The following FRMD4B variants were observed in gnomAD, a reference collection of about 807,000 sequenced individuals.
FRMD4B encodes FERM domain-containing protein 4B.
Under a neutral mutation model 141.5 loss-of-function variants are expected in FRMD4B, and 74 were observed. The observed-to-expected ratio is 0.52, with a 90% CI of 0.43 to 0.63. The LOEUF (loss-of-function observed/expected upper bound fraction) is 0.63, where lower values mean the gene tolerates loss of function less well. Among genes scored for constraint, FRMD4B ranks in the 30% least tolerant of loss-of-function variants. The pLI is 0.00. For synonymous variants in FRMD4B, 506 were observed against 467.9 expected (o/e 1.08, Z -1.05); for missense variants, 1,366 against 1,253.4 (o/e 1.09, Z -1.36).
chr3:69,415,457 C>A (rs1380667424), intron 2 of FRMD4B, among the ~76,000 whole-genome samples: 1 of 152,068 alleles, frequency 6.6e-6, no homozygotes, highest in Non-Finnish European at 1.5e-5. Flanking sequence ...TTGTCCTACG[C>A]CCCCTCTTCC....
At chr3:69,497,201 G>A (rs1440055542) in intron 1 of FRMD4B, among the ~76,000 whole-genome samples, 3 of 152,202 alleles carry the variant, frequency 2.0e-5, no homozygotes, top group African/African-American at 4.8e-5. Flanking sequence ...ATTTGGAGCA[G>A]AGCCTCAGCT....
intron 3 of FRMD4B, chr3:69,310,609 G>C: frequency 6.7e-6 from 2 of 299,618 alleles, no homozygotes; most frequent in Non-Finnish European, 1.3e-5. Context: ...GAGAGAGAGA[G>C]AGAAAAGAGC....
rs942566137 is a variant in FRMD4B at position 69,535,769 on chromosome 3, C to A, written c.-129+6437G>T. On this transcript the variant is annotated intron_variant, in intron 1 of 5. Transcript: ENST00000459638. ...GTCTTCCTAGACAGGTGTGCAGGCA[C>A]CACCTTGGACCCACTGCCCTTAGCA... 1.3e-4 allele frequency: 60 copies of A among 469,200 alleles called. 3 individuals carry two copies. Among genetic ancestry groups the A allele is most frequent in the South Asian group, 9.3e-4 (60 of 64,602 alleles). 29.1% of individuals were successfully genotyped at this position (469,200 alleles called of 1,614,324 possible). A position where few individuals can be genotyped will look rare whatever the true frequency, so the allele number is the denominator to read the frequency against.
At chr3:69,261,375 A>G (rs1333395612) in intron 5 of FRMD4B, among the ~76,000 whole-genome samples, 1 of 152,228 alleles carries the variant, frequency 6.6e-6, no homozygotes, top group Non-Finnish European at 1.5e-5. Flanking sequence ...TTCTGGACAC[A>G]CTATTATCTG....
At chr3:69,483,801 T>C (rs1706169827) in intron 1 of FRMD4B, among the ~76,000 whole-genome samples, 1 of 152,202 alleles carries the variant, frequency 6.6e-6, no homozygotes, top group Non-Finnish European at 1.5e-5. Flanking sequence ...TAATTTCCAT[T>C]ACGATGACCT....
At chr3:69,333,508 A>G (rs993323961) in intron 1 of FRMD4B, among the ~76,000 whole-genome samples, 2 of 152,214 alleles carry the variant, frequency 1.3e-5, no homozygotes, top group African/African-American at 4.8e-5. Context: ...GTTCCATTAC[A>G]ATGTCTCTGT....
chr3:69,531,377 C>T lies in FRMD4B; in HGVS notation c.-129+10829G>A, dbSNP rs192958736. On this transcript the variant is annotated intron_variant, in intron 1 of 5. Coordinates refer to the FRMD4B transcript ENST00000459638. ...ACCCCAAGTCAAGAAAAGATGTAGC[C>T]ACATTTATATGTACCAAGCAAAAAA... 3.2e-3 allele frequency among the ~76,000 whole-genome samples: 486 copies of T among 150,462 alleles called. 5 individuals are homozygous for T. The highest frequency in any genetic ancestry group is 0.011 in the African/African-American group (458 of 40,766).
intron 1 of FRMD4B, among the ~76,000 whole-genome samples, chr3:69,475,398 T>C (rs1374292431): frequency 7.5e-6 from 1 of 134,074 alleles, no homozygotes; most frequent in Admixed American, 8.1e-5. Context: ...AACGTTCCCC[T>C]TCCGGTGTCC....
chr3:69,330,340 C>CTTTTTTTTTTTT lies in FRMD4B; in HGVS notation c.163-16835_163-16824dup, dbSNP rs34238889. Among the ~76,000 whole-genome samples, 4 of 42,928 alleles carry CTTTTTTTTTTTT rather than the reference C, an allele frequency of 9.3e-5. 1 individual carries two copies. The highest frequency in any genetic ancestry group is 4.3e-4 in the Admixed American group (1 of 2,326). 28.2% of individuals were successfully genotyped at this position (42,928 alleles called of 152,430 possible). The stretch of plus-strand genomic sequence containing the variant: ...CAACATTATATTTTGATTCTTTTGC[C>CTTTTTTTTTTTT]TTTTTTTTTTTTTTTTTTTTTTTTG... On this transcript the variant is annotated intron_variant, in intron 1 of 22. Transcript: ENST00000398540.
At chr3:69,178,434 T>G (rs564788885) in intron 21 of FRMD4B, among the ~76,000 whole-genome samples, 1 of 152,086 alleles carries the variant, frequency 6.6e-6, no homozygotes, top group East Asian at 1.9e-4. Context: ...ATCCCAGCAC[T>G]TTGGGAGGCT....
intron 5 of FRMD4B, among the ~76,000 whole-genome samples, chr3:69,252,583 C>A (rs1378635042): frequency 6.6e-6 from 1 of 152,208 alleles, no homozygotes; most frequent in Non-Finnish European, 1.5e-5. Context: ...TTCTTTGACT[C>A]ATTCACGGAG....
intron 1 of FRMD4B, among the ~76,000 whole-genome samples, chr3:69,351,733 C>T (rs58610235): frequency 0.31 from 46,764 of 152,046 alleles, 8,027 homozygotes; most frequent in Non-Finnish European, 0.39. Context: ...TCAGGAGATC[C>T]AGAATCCAGG....
intron 1 of FRMD4B, among the ~76,000 whole-genome samples, chr3:69,504,285 C>A (rs564782883): frequency 1.7e-4 from 26 of 152,162 alleles, no homozygotes; most frequent in South Asian, 1.0e-3. Flanking sequence ...TTTTAAGTAA[C>A]CCCGGGATGA....
chr3:69,254,016 G>C (rs1447252884), intron 5 of FRMD4B, among the ~76,000 whole-genome samples: 1 of 152,174 alleles, frequency 6.6e-6, no homozygotes, highest in Non-Finnish European at 1.5e-5. Context: ...GGATGTCGAA[G>C]CTGCAGTGTG....
intron 1 of FRMD4B, among the ~76,000 whole-genome samples, chr3:69,462,907 T>C (rs1479702211): frequency 1.3e-5 from 2 of 152,242 alleles, no homozygotes; most frequent in African/African-American, 2.4e-5. Flanking sequence ...GAAGACCATG[T>C]AGTCAGCTTG....
chr3:69,376,525 T>TAAGCA (rs1421414653), intron 1 of FRMD4B, among the ~76,000 whole-genome samples: 1 of 152,094 alleles, frequency 6.6e-6, no homozygotes, highest in East Asian at 1.9e-4. Context: ...AACAGCTATT[T>TAAGCA]AAGCAAAAAG....
At chr3:69,532,392 A>T (rs1021355320) in intron 1 of FRMD4B, among the ~76,000 whole-genome samples, 1 of 151,578 alleles carries the variant, frequency 6.6e-6, no homozygotes, top group African/African-American at 2.4e-5. Flanking sequence ...TCTGACATTT[A>T]AAAAAAAATT....
chr3:69,337,918 C>A (rs554492758), intron 1 of FRMD4B, among the ~76,000 whole-genome samples: 147 of 152,224 alleles, frequency 9.7e-4, no homozygotes, highest in African/African-American at 3.2e-3. Context: ...AGGGATCTAG[C>A]AGTAGAAATA....
intron 16 of FRMD4B, 63 bp from the exon 17 acceptor site, chr3:69,193,936 G>C: frequency 9.8e-7 from 1 of 1,023,650 alleles, no homozygotes. Context: ...TACATGCATT[G>C]TGTAATAAAA....
Sources: gnomAD v4.1 joint callset for allele counts (sites outside exome capture counted in the v4.1 genomes callset) on GRCh38, gnomAD v4.1.1 for gene constraint, MANE v1.5 for transcripts, NCBI Gene and HGNC (gene_info 2026-07-23, HGNC 2026-07-21) for gene names.